CACNA2D4: variants seen among roughly 807,000 people sequenced by gnomAD.
The protein encoded by CACNA2D4 is calcium voltage-gated channel auxiliary subunit alpha2delta 4.
A neutral mutation model predicts 163.8 loss-of-function variants in CACNA2D4; 157 were observed. The ratio of observed to expected loss-of-function variants is 0.96; its 90% CI spans 0.84 to 1.09. CACNA2D4 has a LOEUF of 1.09. CACNA2D4 is among the 50% of genes least tolerant of loss of function. The pLI is 0.00. For synonymous variants in CACNA2D4, 598 were observed against 586.9 expected (o/e 1.02, Z -0.27); for missense variants, 1,410 against 1,479.9 (o/e 0.95, Z 0.78).
At chr12:1,809,468 G>A (rs1043034816) in intron 29 of CACNA2D4, 15 of 693,618 alleles carry the variant, frequency 2.2e-5, no homozygotes, top group African/African-American at 1.1e-4. Context: ...GGCAGGAGGC[G>A]GTTCTGATGC....
chr12:1,907,292 G>A, intron 6 of CACNA2D4, 148 bp downstream of exon 6: 1 of 648,236 alleles, frequency 1.5e-6, no homozygotes, highest in Non-Finnish European at 2.6e-6. Context: ...CAGTGAGAAG[G>A]GCTAAAGTGT....
At chr12:1,887,751 C>T (rs1478500972) in intron 6 of CACNA2D4, among the ~76,000 whole-genome samples, 1 of 152,000 alleles carries the variant, frequency 6.6e-6, no homozygotes, top group Admixed American at 6.5e-5. Context: ...AATAGAATCT[C>T]GATTTGAAAA....
chr12:1,816,011 C>A (rs1484881266), intron 26 of CACNA2D4, among the ~76,000 whole-genome samples: 6 of 152,224 alleles, frequency 3.9e-5, no homozygotes, highest in Non-Finnish European at 5.9e-5. Context: ...CTTGCATCCC[C>A]TGGCTTGCAT....
At position 1,802,387 on chromosome 12, in the gene CACNA2D4, G is replaced by C. The variant is rs953557356; in HGVS notation, c.2722-743C>G. ...CCTTCATTTCCAAAAAATAAAACAG[G>C]ACCCTCCCTCCTGCCCCCGGCTCCC... On this transcript the variant is annotated intron_variant, in intron 29 of 37. Coordinates refer to ENST00000382722, the MANE Select transcript of CACNA2D4 (RefSeq NM_172364.5). The surrounding 1 kb of genome is among the most constrained non-coding windows in gnomAD (Gnocchi z 4.7). Among the ~76,000 whole-genome samples the C allele has an allele frequency of 1.3e-5, 2 of 152,052 alleles. No individual in the cohort carries two copies. Among genetic ancestry groups the C allele is most frequent in the African/African-American group, 4.8e-5 (2 of 41,380 alleles).
chr12:1,907,370 T>A, intron 6 of CACNA2D4, 70 bp downstream of exon 6: 1 of 1,395,298 alleles, frequency 7.2e-7, no homozygotes, highest in Non-Finnish European at 9.5e-7. Context: ...CCAGGGTCCA[T>A]CTTCAGTGCC....
rs1863071137 is a variant in CACNA2D4 at position 1,795,056 on chromosome 12, TA to T, written c.3309+242del. On this transcript the variant is annotated intron_variant, in intron 37 of 37. Transcript: ENST00000382722. ...ATAACAAAAGATGCACCTATCACCC[TA>T]ATCAGGAAATAACAAGCGTTTTAGG... 1.0e-5 allele frequency: 6 copies of T among 584,840 alleles called. No individual in the cohort carries two copies. In the South Asian group the frequency reaches 1.3e-4, roughly 13 times the overall value. The allele number at this position is 584,840 out of a possible 1,614,324, so 36.2% of individuals were successfully genotyped here.
At chr12:1,812,394 T>C (rs1359237317) in intron 26 of CACNA2D4, among the ~76,000 whole-genome samples, 2 of 152,210 alleles carry the variant, frequency 1.3e-5, no homozygotes, top group Non-Finnish European at 2.9e-5. Flanking sequence ...GGTTCCCAAA[T>C]AGGCTTGGAG....
chr12:1,830,382 T>G (rs1363749306), intron 26 of CACNA2D4, among the ~76,000 whole-genome samples: 2 of 152,350 alleles, frequency 1.3e-5, no homozygotes, highest in Non-Finnish European at 2.9e-5. Flanking sequence ...AGTGCTGTTT[T>G]GTGCTCTCGC....
rs762899952 is a variant in CACNA2D4 at position 1,875,277 on chromosome 12, C to A, written c.1780G>T (p.Val594Leu). ...PNYNSVDLSE[V>L]EWEDQAESLR... The stretch of plus-strand genomic sequence containing the variant: ...GATTCAGCCTGGTCTTCCCACTCCA[C>A]TTCGGAGAGATCCACACTGTTGTAG... Residue 594 changes from valine (V) to leucine (L), a missense_variant, in exon 17 of 38, where the codon GTG becomes TTG. By Grantham distance (32) the Val-to-Leu change is conservative. Transcript: ENST00000382722. The surrounding 1 kb of genome is among the most constrained non-coding windows in gnomAD (Gnocchi z 4.0). 8.1e-6 allele frequency: 13 copies of A among 1,603,506 alleles called. No homozygotes were observed. Among genetic ancestry groups the A allele is most frequent in the Non-Finnish European group, 1.1e-5 (13 of 1,174,908 alleles).
intron 26 of CACNA2D4, among the ~76,000 whole-genome samples, chr12:1,824,399 G>A (rs1565688138): frequency 6.6e-6 from 1 of 152,202 alleles, no homozygotes; most frequent in Non-Finnish European, 1.5e-5. Context: ...TACACTCAAA[G>A]CCCCATGTTT....
intron 29 of CACNA2D4, among the ~76,000 whole-genome samples, chr12:1,808,564 C>T (rs1381471426): frequency 2.0e-5 from 3 of 152,224 alleles, no homozygotes; most frequent in East Asian, 1.9e-4. Flanking sequence ...AGGAAACGCT[C>T]GCCTACCCCT....
At position 1,883,871 on chromosome 12, in the gene CACNA2D4, G is replaced by A. The variant is rs1866067567; in HGVS notation, c.1351+372C>T. ...CCCCTGGTGCCTGGAAATGGGGCCAGGTGCATAGTGGATGCTCAGTGAATT... is the reference window on the plus strand; with the variant it reads ...CCCCTGGTGCCTGGAAATGGGGCCAAGTGCATAGTGGATGCTCAGTGAATT... On this transcript the variant is annotated intron_variant, in intron 12 of 37. Coordinates refer to ENST00000382722, the MANE Select transcript of CACNA2D4 (RefSeq NM_172364.5). The surrounding 1 kb of genome is among the most constrained non-coding windows in gnomAD (Gnocchi z 4.5). Among the ~76,000 whole-genome samples, 1 of 152,228 alleles carries A rather than the reference G, an allele frequency of 6.6e-6. No individual in the cohort carries two copies. Among genetic ancestry groups the A allele is most frequent in the Non-Finnish European group, 1.5e-5 (1 of 68,042 alleles).
At chr12:1,796,294 G>A (rs1032802481) in intron 35 of CACNA2D4, among the ~76,000 whole-genome samples, 1 of 152,242 alleles carries the variant, frequency 6.6e-6, no homozygotes, top group African/African-American at 2.4e-5. Flanking sequence ...AGCAGTCCCA[G>A]CGGCCGCCTA....
chr12:1,876,434 GC>G (rs1865882327), intron 16 of CACNA2D4, among the ~76,000 whole-genome samples: 1 of 152,184 alleles, frequency 6.6e-6, no homozygotes. Flanking sequence ...GATTAGGTCT[GC>G]AGCACTTCCC....
chr12:1,854,164 A>C, intron 22 of CACNA2D4, 120 bp from the exon 23 acceptor site: 1 of 669,094 alleles, frequency 1.5e-6, no homozygotes. Context: ...GGACATGTAA[A>C]ACTATCTCTG....
chr12:1,875,231 C>G lies in CACNA2D4; in HGVS notation c.1806+20G>C. 3 of 1,562,398 alleles carry G rather than the reference C, an allele frequency of 1.9e-6. No homozygotes were observed. Among genetic ancestry groups the G allele is most frequent in the Non-Finnish European group, 2.6e-6 (3 of 1,133,006 alleles). ...TGTAGAGCCTAACTAGCTTCCCTTC[C>G]CCCTATTTTCCCCACTCACAGATTC... On this transcript the variant is annotated intron_variant, in intron 17 of 37. Transcript: ENST00000382722. This position sits in a 1 kb window ranked among gnomAD's most constrained non-coding sequence, Gnocchi z 4.0.
In CACNA2D4 at chr12:1,858,629, C is replaced by T. The variant is rs372668864; in HGVS notation, c.1956G>A (p.Leu652=). 3.5e-5 allele frequency: 57 copies of T among 1,607,952 alleles called. No homozygotes were observed. The highest frequency in any genetic ancestry group is 4.8e-5 in the Non-Finnish European group (56 of 1,176,766). Residue 652 remains leucine, a synonymous_variant, in exon 20 of 38, where the codon CTG becomes CTA. Coordinates refer to ENST00000382722, the MANE Select transcript of CACNA2D4 (RefSeq NM_172364.5). ...GGATGTATTCTCCGTGGCCCCGGGA[C>T]AGCACCACCCCCAAACTGTGGGGAG... is the stretch of plus-strand genomic sequence containing the variant. ...SDTPFSLGVV[L]SRGHGEYILL...
At position 1,834,562 on chromosome 12, in the gene CACNA2D4, C is replaced by T. The variant is rs146814224; in HGVS notation, c.2551+6177G>A. ...CGGTGATCATTGCAGGGGTCGTGTGCGGCGTCGTCTGCATCATGATGGTGG... is the reference window on the plus strand; with the variant it reads ...CGGTGATCATTGCAGGGGTCGTGTGTGGCGTCGTCTGCATCATGATGGTGG... On this transcript the variant is annotated intron_variant, in intron 26 of 37. Transcript: ENST00000382722. This position sits in a 1 kb window ranked among gnomAD's most constrained non-coding sequence, Gnocchi z 7.6. 190 of 1,602,112 alleles carry T rather than the reference C, an allele frequency of 1.2e-4. 1 individual carries two copies. Among genetic ancestry groups the T allele is most frequent in the Non-Finnish European group, 1.5e-4 (182 of 1,179,890 alleles).
At chr12:1,823,593 C>T (rs1864198426) in intron 26 of CACNA2D4, among the ~76,000 whole-genome samples, 1 of 151,802 alleles carries the variant, frequency 6.6e-6, no homozygotes, top group Non-Finnish European at 1.5e-5. Flanking sequence ...CAGAACAGAG[C>T]TCCGGCCTAC....
Sources: allele counts gnomAD v4.1 joint callset (sites outside exome capture counted in the v4.1 genomes callset), GRCh38; gene constraint gnomAD v4.1.1; non-coding constraint Gnocchi (gnomAD v3.1); transcripts MANE v1.5; gene names NCBI Gene and HGNC (gene_info 2026-07-23, HGNC 2026-07-21).